Variants in KDM4C observed in about 807,000 individuals in gnomAD.
The protein encoded by KDM4C is lysine demethylase 4C, also known as lysine-specific demethylase 4C.
A neutral mutation model predicts 129.3 loss-of-function variants in KDM4C; 81 were observed. That is an observed-to-expected ratio of 0.63 (90% CI 0.52 to 0.75). KDM4C has a LOEUF of 0.75. KDM4C is among the 30% of genes least tolerant of loss of function. KDM4C has a pLI of 0.00. For missense variants in KDM4C, 1,457 were observed against 1,304.0 expected, an observed-to-expected ratio of 1.12 and a Z score of -1.81; for synonymous variants, 573 against 456.1, an observed-to-expected ratio of 1.26 and a Z score of -3.26.
chr9:7,072,160 T>C (rs913234649), intron 17 of KDM4C, among the ~76,000 whole-genome samples: 1 of 152,154 alleles, frequency 6.6e-6, no homozygotes, highest in Non-Finnish European at 1.5e-5. Context: ...TGTCAAGTAG[T>C]GATGCTGACG....
intron 17 of KDM4C, among the ~76,000 whole-genome samples, chr9:7,050,795 C>G (rs1442270981): frequency 1.3e-5 from 2 of 152,082 alleles, no homozygotes; most frequent in Non-Finnish European, 2.9e-5. Flanking sequence ...CACATCAGTC[C>G]CAAAGGGTTT....
At chr9:6,978,122 G>GT (rs1833237002) in intron 8 of KDM4C, among the ~76,000 whole-genome samples, 1 of 152,176 alleles carries the variant, frequency 6.6e-6, no homozygotes, top group African/African-American at 2.4e-5. Context: ...CATGAGGATA[G>GT]TTACCACTGT....
chr9:6,861,987 G>C (rs1001417017), intron 5 of KDM4C, among the ~76,000 whole-genome samples: 1 of 152,048 alleles, frequency 6.6e-6, no homozygotes, highest in Non-Finnish European at 1.5e-5. Context: ...GGCCAGGCTG[G>C]TCTTGAACTC....
At chr9:6,955,915 G>C (rs530515060) in intron 8 of KDM4C, among the ~76,000 whole-genome samples, 2 of 152,312 alleles carry the variant, frequency 1.3e-5, no homozygotes, top group African/African-American at 4.8e-5. Context: ...AATACAACCA[G>C]TTGTCTTTAG....
intron 4 of KDM4C, among the ~76,000 whole-genome samples, chr9:6,841,399 A>G (rs914690285): frequency 2.0e-4 from 30 of 152,186 alleles, no homozygotes; most frequent in African/African-American, 6.5e-4. Context: ...GAAGATATGG[A>G]AAGACTTAGC....
chr9:6,924,152 A>G (rs2131237033), intron 8 of KDM4C, among the ~76,000 whole-genome samples: 1 of 152,260 alleles, frequency 6.6e-6, no homozygotes, highest in East Asian at 1.9e-4. Context: ...GTGGTTTTAT[A>G]TTTTAATACA....
chr9:6,978,921 A>C (rs1453844139), intron 8 of KDM4C: 1 of 151,210 alleles, frequency 6.6e-6, no homozygotes, highest in Admixed American at 6.6e-5. Context: ...CTGAGCAAAC[A>C]AGATGAATAT....
At chr9:7,173,707 T>C (rs1344962043) in intron 21 of KDM4C, among the ~76,000 whole-genome samples, 1 of 152,172 alleles carries the variant, frequency 6.6e-6, no homozygotes. Flanking sequence ...ACTGGGTGCA[T>C]GGGCATGGTG....
chr9:7,161,846 C>G (rs973377273), intron 19 of KDM4C, among the ~76,000 whole-genome samples: 9 of 152,228 alleles, frequency 5.9e-5, no homozygotes, highest in Admixed American at 2.6e-4. Context: ...TCACATGCTT[C>G]TAGTCTCATT....
At chr9:6,787,059 TG>T (rs1346563731) in intron 1 of KDM4C, among the ~76,000 whole-genome samples, 2 of 152,242 alleles carry the variant, frequency 1.3e-5, no homozygotes, top group Non-Finnish European at 2.9e-5. Context: ...GTATCTGATT[TG>T]TAGGTAGAAA....
chr9:7,082,967 C>T (rs915837584), intron 17 of KDM4C, among the ~76,000 whole-genome samples: 1 of 152,162 alleles, frequency 6.6e-6, no homozygotes, highest in African/African-American at 2.4e-5. Flanking sequence ...AGTTCAGCCT[C>T]CAGCAGGGAT....
In KDM4C at chr9:7,062,567, C is replaced by A. The variant is rs1258394794; in HGVS notation, c.2424+13367C>A. On this transcript the variant is annotated intron_variant, in intron 17 of 21. Transcript: ENST00000381309. ...TATTTCCAGCTAATTTTTTTTTTGT[C>A]AGGGTGGGGTCTTTCCTTCTTGTCT... Among the ~76,000 whole-genome samples, 3 of 150,900 alleles carry A rather than the reference C, an allele frequency of 2.0e-5. No homozygotes were observed. The East Asian group carries it at 5.9e-4, about 30-fold the overall frequency.
At chr9:6,876,881 A>T (rs1426310504) in intron 5 of KDM4C, among the ~76,000 whole-genome samples, 1 of 152,156 alleles carries the variant, frequency 6.6e-6, no homozygotes, top group African/African-American at 2.4e-5. Context: ...AAAAAATCTG[A>T]AGGAAAAACA....
At chr9:7,146,726 C>G (rs722627) in intron 19 of KDM4C, among the ~76,000 whole-genome samples, 64,627 of 152,024 alleles carry the variant, frequency 0.43, 14,140 homozygotes, top group Middle Eastern at 0.49. Context: ...CACCCATCTA[C>G]TTATTAGCCC....
intron 1 of KDM4C, among the ~76,000 whole-genome samples, chr9:6,778,248 C>T (rs577829670): frequency 6.6e-6 from 1 of 151,690 alleles, no homozygotes; most frequent in Non-Finnish European, 1.5e-5. Context: ...TGCCACCACC[C>T]CTGGCTAATT....
intron 1 of KDM4C, among the ~76,000 whole-genome samples, chr9:6,759,310 A>C (rs970842008): frequency 3.3e-5 from 5 of 152,140 alleles, no homozygotes; most frequent in African/African-American, 1.2e-4. Flanking sequence ...GCTTGGCTTT[A>C]CTGTTTCTAT....
chr9:6,834,469 T>C (rs564522941), intron 4 of KDM4C: 4 of 543,950 alleles, frequency 7.4e-6, no homozygotes, highest in Non-Finnish European at 1.1e-5. Context: ...GATGATGATA[T>C]TGCTACGCCC....
At chr9:7,042,741 T>A (rs569040267) in intron 15 of KDM4C, among the ~76,000 whole-genome samples, 26 of 152,178 alleles carry the variant, frequency 1.7e-4, no homozygotes, top group African/African-American at 6.0e-4. Context: ...ACCTTATGCC[T>A]TGCCTTATGC....
chr9:7,097,991 C>A (rs717381), intron 17 of KDM4C, among the ~76,000 whole-genome samples: 56,606 of 152,080 alleles, frequency 0.37, 10,882 homozygotes, highest in Middle Eastern at 0.52. Flanking sequence ...GGTGCTTCCG[C>A]AAGGATTCTT....
Sources: gnomAD v4.1 joint callset for allele counts (sites outside exome capture counted in the v4.1 genomes callset) on GRCh38, gnomAD v4.1.1 for gene constraint, MANE v1.5 for transcripts, NCBI Gene and HGNC (gene_info 2026-07-23, HGNC 2026-07-21) for gene names.